The following ITGA4 variants were observed in gnomAD, a reference collection of about 807,000 sequenced individuals.
ITGA4 encodes the protein integrin alpha-4.
A neutral mutation model predicts 133.6 loss-of-function variants in ITGA4; 63 were observed. The ratio of observed to expected loss-of-function variants is 0.47; its 90% confidence interval spans 0.38 to 0.58. The LOEUF is 0.58. ITGA4 is among the 20% of genes least tolerant of loss of function. ITGA4 has a pLI of 0.00. For synonymous variants in ITGA4, 483 were observed against 438.0 expected, an observed-to-expected ratio of 1.10 and a Z score of -1.28; for missense variants, 1,076 against 1,252.7, an observed-to-expected ratio of 0.86 and a Z score of 2.13.
rs117778591 is a variant in ITGA4 at position 181,523,173 on chromosome 2, C to A, written c.2074-264C>A. 1.3e-3 allele frequency among the ~76,000 whole-genome samples: 201 copies of A among 152,000 alleles called. 3 individuals carry two copies. The East Asian group carries it at 0.035, about 26-fold the overall frequency. On this transcript the variant is annotated intron_variant, in intron 18 of 27. Coordinates refer to ENST00000397033, the MANE Select transcript of ITGA4 (RefSeq NM_000885.6). The surrounding 1 kb of genome is among the most constrained non-coding windows in gnomAD (Gnocchi z 4.2). ...GAGTACACACATATATGTATATACACACACACATACACATACACATATATA... is the reference window on the plus strand; with the variant it reads ...GAGTACACACATATATGTATATACAAACACACATACACATACACATATATA...
intron 2 of ITGA4, 133 bp downstream of exon 2, chr2:181,458,450 C>T (rs929189927): frequency 1.3e-5 from 13 of 998,962 alleles, no homozygotes; most frequent in African/African-American, 1.1e-4. Flanking sequence ...TCAGTTTCAA[C>T]TCCATCTCAT....
chr2:181,458,031 C>T (rs1012885839), intron 1 of ITGA4, among the ~76,000 whole-genome samples, 165 bp from the exon 2 acceptor site: 1 of 152,204 alleles, frequency 6.6e-6, no homozygotes, highest in African/African-American at 2.4e-5. Flanking sequence ...GCGGCAGCGC[C>T]CCGGGTGCGT....
chr2:181,514,107 C>T (rs537713594), intron 17 of ITGA4, among the ~76,000 whole-genome samples: 2 of 152,150 alleles, frequency 1.3e-5, no homozygotes, highest in South Asian at 4.1e-4. Flanking sequence ...CTTGAGCTAA[C>T]AAGCTATGAA....
At chr2:181,485,801 C>A in intron 9 of ITGA4, 80 bp from the exon 10 acceptor site, 1 of 1,205,820 alleles carries the variant, frequency 8.3e-7, no homozygotes, top group Non-Finnish European at 1.2e-6. Flanking sequence ...AGAAAAAATC[C>A]ATATCCAATT....
In ITGA4 at chr2:181,537,903, T is replaced by C; in HGVS notation, c.*2376T>C. On this transcript the variant is annotated 3_prime_UTR_variant, in exon 28 of 28. Coordinates refer to ENST00000397033, the MANE Select transcript of ITGA4 (RefSeq NM_000885.6). ...GAGCAATGGAGCATTACTGAGTTCC[T>C]CCCCCTGTCAGATCAGCAGCAGCAT... is the stretch of plus-strand genomic sequence containing the variant. The C allele has an allele frequency of 5.3e-6, 3 of 563,214 alleles. No homozygotes were observed. Among genetic ancestry groups the C allele is most frequent in the East Asian group, 4.0e-5 (1 of 24,748 alleles). 34.9% of individuals were successfully genotyped at this position (563,214 alleles called of 1,614,324 possible).
At chr2:181,494,339 G>A (rs912378080) in intron 11 of ITGA4, among the ~76,000 whole-genome samples, 1 of 152,132 alleles carries the variant, frequency 6.6e-6, no homozygotes, top group Non-Finnish European at 1.5e-5. Flanking sequence ...AGACATGGTG[G>A]TACACACCTG....
intron 15 of ITGA4, among the ~76,000 whole-genome samples, chr2:181,503,633 A>T (rs1047899327): frequency 1.5e-4 from 20 of 137,146 alleles, no homozygotes; most frequent in African/African-American, 4.6e-4. Flanking sequence ...AATTATGCCA[A>T]GCTTTAATTT....
intron 6 of ITGA4, 36 bp from the exon 7 acceptor site, chr2:181,481,562 A>T: frequency 8.7e-7 from 1 of 1,146,918 alleles, no homozygotes; most frequent in Non-Finnish European, 1.3e-6. Flanking sequence ...GATGTACTTT[A>T]CCCAGGACTC....
At position 181,530,613 on chromosome 2, in the gene ITGA4, A is replaced by AG; in HGVS notation, c.2629dup (p.Val877GlyfsTer8). On this transcript the variant is annotated frameshift_variant, in exon 24 of 28. Transcript: ENST00000397033. LOFTEE classifies it high-confidence loss of function. ...GTGCAATGCAGACCTTGAAAGGCATAGTCCGGTTCTTGTCCAAGACTGATA... is the reference window on the plus strand; with the variant it reads ...GTGCAATGCAGACCTTGAAAGGCATAGGTCCGGTTCTTGTCCAAGACTGATA... The AG allele has an allele frequency of 6.2e-7, 1 of 1,613,470 alleles. No homozygotes were observed. The highest frequency in any genetic ancestry group is 1.1e-5 in the South Asian group (1 of 91,054).
chr2:181,484,195 C>T (rs1041084167), intron 9 of ITGA4, among the ~76,000 whole-genome samples: 2 of 152,110 alleles, frequency 1.3e-5, no homozygotes, highest in Non-Finnish European at 2.9e-5. Flanking sequence ...GTCTTGTTTA[C>T]CGTGGTTTCA....
chr2:181,482,463 G>T, intron 8 of ITGA4, 41 bp downstream of exon 8: 2 of 1,613,304 alleles, frequency 1.2e-6, no homozygotes, highest in Non-Finnish European at 8.5e-7. Flanking sequence ...GGGCTTTTGC[G>T]AGTAACCCTG....
intron 15 of ITGA4, 59 bp downstream of exon 15, chr2:181,498,836 C>A: frequency 9.3e-6 from 14 of 1,497,382 alleles, no homozygotes; most frequent in Non-Finnish European, 1.2e-5. Flanking sequence ...TGATAGAGAG[C>A]AACTTATTGT....
At chr2:181,511,487 A>G (rs1167679529) in intron 16 of ITGA4, among the ~76,000 whole-genome samples, 1 of 152,058 alleles carries the variant, frequency 6.6e-6, no homozygotes, top group African/African-American at 2.4e-5. Context: ...TTACCTATTT[A>G]GAACTTAGCT....
chr2:181,525,924 G>A (rs1294368706), intron 21 of ITGA4, among the ~76,000 whole-genome samples: 1 of 152,182 alleles, frequency 6.6e-6, no homozygotes. Context: ...AATTCCACTA[G>A]AACTTATTCA....
At chr2:181,506,616 AATAGAT>A (rs957202725) in intron 15 of ITGA4, among the ~76,000 whole-genome samples, 22 of 152,226 alleles carry the variant, frequency 1.4e-4, no homozygotes, top group African/African-American at 5.3e-4. Flanking sequence ...AAAGACATAG[AATAGAT>A]ATAGTCTTTT....
At chr2:181,464,057 C>T (rs1323253032) in intron 2 of ITGA4, among the ~76,000 whole-genome samples, 2 of 151,934 alleles carry the variant, frequency 1.3e-5, no homozygotes, top group Admixed American at 1.3e-4. Flanking sequence ...AGTATTCATC[C>T]ATGCTTGAGA....
intron 1 of ITGA4, 127 bp from the exon 2 acceptor site, chr2:181,458,069 T>A: frequency 7.5e-7 from 1 of 1,332,340 alleles, no homozygotes; most frequent in Non-Finnish European, 1.1e-6. Context: ...GAGCTTCGAG[T>A]CGGGGGTGGT....
At chr2:181,474,868 A>T in intron 2 of ITGA4, 92 bp from the exon 3 acceptor site, 1 of 841,930 alleles carries the variant, frequency 1.2e-6, no homozygotes, top group Non-Finnish European at 1.9e-6. Flanking sequence ...AGAAGTAGTT[A>T]ACAGAAAAAT....
At position 181,522,228 on chromosome 2, in the gene ITGA4, A is replaced by G. The variant is rs752180388; in HGVS notation, c.1960A>G (p.Met654Val). The G allele has an allele frequency of 3.1e-6, 5 of 1,594,630 alleles. No individual in the cohort carries two copies. The highest frequency in any genetic ancestry group is 1.7e-4 in the Middle Eastern group (1 of 6,014). Residue 654 changes from methionine to valine, a missense_variant, in exon 18 of 28, where the codon ATG becomes GTG. Transcript: ENST00000397033. ...ENKTYLAVGS[M>V]KTLMLNVSLF... The stretch of plus-strand genomic sequence containing the variant: ...TAAAACATATCTTGCTGTTGGGAGT[A>G]TGAAGACATTGATGTTGAATGTGTC...
Sources: gnomAD v4.1 joint callset for allele counts (sites outside exome capture counted in the v4.1 genomes callset) on GRCh38, gnomAD v4.1.1 for gene constraint, Gnocchi (gnomAD v3.1) non-coding constraint, MANE v1.5 for transcripts, NCBI Gene and HGNC (gene_info 2026-07-23, HGNC 2026-07-21) for gene names.